The following DNAAF5 variants were observed in gnomAD, a reference collection of about 807,000 sequenced individuals.
DNAAF5 encodes dynein axonemal assembly factor 5.
A neutral mutation model predicts 75.8 loss-of-function variants in DNAAF5; 64 were observed. That is an observed-to-expected ratio of 0.84 (90% CI 0.69 to 1.04). DNAAF5 has a LOEUF of 1.04. Ranked by LOEUF, DNAAF5 falls within the 50% of genes least tolerant of loss-of-function variation. DNAAF5 has a pLI of 0.00. For missense variants in DNAAF5, 1,269 were observed against 1,178.5 expected, an observed-to-expected ratio of 1.08 and a Z score of -1.12; for synonymous variants, 657 against 557.2, an observed-to-expected ratio of 1.18 and a Z score of -2.52.
chr7:756,947 A>G lies in DNAAF5; in HGVS notation c.1423A>G (p.Ile475Val), dbSNP rs1373993360. 3.1e-6 allele frequency: 5 copies of G among 1,607,702 alleles called. No homozygotes were observed. The highest frequency in any genetic ancestry group is 1.7e-4 in the Middle Eastern group (1 of 6,050). The change falls in exon 6 of 13, where the codon ATC (isoleucine) becomes GTC (valine). Residue 475 changes from isoleucine (I) to valine (V), a missense_variant. Coordinates refer to ENST00000297440, the MANE Select transcript of DNAAF5 (RefSeq NM_017802.4). ...REALQPHLAA[I>V]ATELAQAHIC... ...AGCCCTCCAGCCGCACCTGGCAGCCATCGCCACAGAGCTGGCACAGGCCCA... is the reference window on the plus strand; with the variant it reads ...AGCCCTCCAGCCGCACCTGGCAGCCGTCGCCACAGAGCTGGCACAGGCCCA...
At chr7:755,273 G>A (rs1782447225) in intron 5 of DNAAF5, among the ~76,000 whole-genome samples, 1 of 152,170 alleles carries the variant, frequency 6.6e-6, no homozygotes, top group African/African-American at 2.4e-5. Flanking sequence ...TGGTGTCCCT[G>A]GTGCAGTCCT....
chr7:740,862 G>T lies in DNAAF5; in HGVS notation c.824G>T (p.Cys275Phe). ...TCCGTGGTGGGCGGCTGGCTGCTGT[G>T]TCTGCGTGACCGTTACTCCTTCTTC... is the stretch of plus-strand genomic sequence containing the variant. ...VASVVGGWLL[C>F]LRDRYSFFHK... The change falls in exon 3 of 13, where the codon TGT (cysteine) becomes TTT (phenylalanine). Residue 275 changes from cysteine to phenylalanine, a missense_variant. By Grantham distance (205) the Cys-to-Phe change is radical. Transcript: ENST00000297440. The T allele has an allele frequency of 6.2e-7, 1 of 1,614,078 alleles. No individual in the cohort carries two copies. The highest frequency in any genetic ancestry group is 8.5e-7 in the Non-Finnish European group (1 of 1,180,042).
chr7:782,675 CTGG>C (rs1779008007), intron 12 of DNAAF5, among the ~76,000 whole-genome samples: 1 of 123,996 alleles, frequency 8.1e-6, no homozygotes, highest in Non-Finnish European at 1.7e-5. Context: ...CTCGATCTTC[CTGG>C]CGTGGCCGCC....
chr7:771,660 CG>C (rs1778569065), intron 9 of DNAAF5: 1 of 152,244 alleles, frequency 6.6e-6, no homozygotes, highest in Admixed American at 6.5e-5. Flanking sequence ...AACCGAGAGC[CG>C]TGGCAGCTGT....
At chr7:757,225 G>C (rs1363396341) in intron 6 of DNAAF5, among the ~76,000 whole-genome samples, 1 of 152,234 alleles carries the variant, frequency 6.6e-6, no homozygotes, top group Non-Finnish European at 1.5e-5. Context: ...CCTCGTCCTG[G>C]GCTGTGCAGA....
At chr7:750,147 G>T (rs1271567037) in intron 4 of DNAAF5, among the ~76,000 whole-genome samples, 1 of 152,182 alleles carries the variant, frequency 6.6e-6, no homozygotes, top group African/African-American at 2.4e-5. Flanking sequence ...CTTTTTCTGT[G>T]TTTGGAAACA....
At chr7:763,510 C>A (rs575557798) in intron 7 of DNAAF5, among the ~76,000 whole-genome samples, 2 of 152,226 alleles carry the variant, frequency 1.3e-5, no homozygotes, top group East Asian at 3.9e-4. Flanking sequence ...ACACCACGTC[C>A]GTGTAAGCCC....
intron 8 of DNAAF5, chr7:768,818 T>G (rs911954911): frequency 1.8e-5 from 5 of 282,302 alleles, no homozygotes; most frequent in Non-Finnish European, 3.4e-5. Flanking sequence ...TTTGGCTGTT[T>G]TCTTTTTGTT....
chr7:782,647 G>A (rs557808430), intron 12 of DNAAF5, among the ~76,000 whole-genome samples: 3 of 106,024 alleles, frequency 2.8e-5, no homozygotes, highest in African/African-American at 1.2e-4. Flanking sequence ...GCCGCCTCCC[G>A]TCACGCAGCG....
chr7:775,018 C>T lies in DNAAF5; in HGVS notation c.2095C>T (p.Gln699Ter). ...TTGCTGATTGCAGATACGGGACGTG[C>T]AGGAAACACTGATGCCCCAGGTCCT... The part of the protein sequence containing the change: ...VLSAEQIRDV[Q>*]ETLMPQVLTT... Residue 699 changes from glutamine to a stop codon, truncating the protein, a stop_gained, in exon 11 of 13, where the codon CAG becomes TAG. Coordinates refer to ENST00000297440, the MANE Select transcript of DNAAF5 (RefSeq NM_017802.4). LOFTEE classifies it high-confidence loss of function. 6.2e-7 allele frequency: 1 copy of T among 1,613,820 alleles called. No individual in the cohort carries two copies. Among genetic ancestry groups the T allele is most frequent in the Non-Finnish European group, 8.5e-7 (1 of 1,179,914 alleles).
chr7:770,511 G>A lies in DNAAF5; in HGVS notation c.1824G>A (p.Thr608=), dbSNP rs550907142. The part of the protein sequence containing the change: ...LGEALPHVVP[T]LRACLQPSQD... ...AAGCCCTGCCACACGTCGTGCCCAC[G>A]CTGAGGGCCTGTCTGCAGCCCTCCC... Residue 608 remains threonine, a synonymous_variant, in exon 9 of 13, where the codon ACG becomes ACA. Coordinates refer to ENST00000297440, the MANE Select transcript of DNAAF5 (RefSeq NM_017802.4). 37 of 1,613,682 alleles carry A rather than the reference G, an allele frequency of 2.3e-5. No homozygotes were observed. Among genetic ancestry groups the A allele is most frequent in the South Asian group, 5.5e-5 (5 of 91,082 alleles).
At chr7:730,358 G>A (rs117787752) in intron 2 of DNAAF5, among the ~76,000 whole-genome samples, 4,408 of 152,276 alleles carry the variant, frequency 0.029, 99 homozygotes, top group Non-Finnish European at 0.046. Context: ...GCATGTCTTG[G>A]ATCTGAGGCC....
chr7:731,593 C>T (rs573962789), intron 2 of DNAAF5, among the ~76,000 whole-genome samples: 7 of 152,330 alleles, frequency 4.6e-5, no homozygotes, highest in Non-Finnish European at 7.3e-5. Context: ...ACCTGCGGCC[C>T]GTGGGCCACA....
At chr7:761,349 C>G (rs1782637329) in intron 6 of DNAAF5, among the ~76,000 whole-genome samples, 1 of 152,232 alleles carries the variant, frequency 6.6e-6, no homozygotes, top group South Asian at 2.1e-4. Flanking sequence ...GACACTGGGG[C>G]CGGAGCGGGA....
intron 8 of DNAAF5, among the ~76,000 whole-genome samples, chr7:765,725 C>T (rs556634721): frequency 8.6e-5 from 13 of 152,018 alleles, no homozygotes; most frequent in Non-Finnish European, 1.8e-4. Context: ...TTTTTTGAGA[C>T]GGTCTCACGC....
At chr7:784,053 G>A (rs1253653607) in intron 12 of DNAAF5, among the ~76,000 whole-genome samples, 1 of 126,032 alleles carries the variant, frequency 7.9e-6, no homozygotes, top group African/African-American at 3.0e-5. Context: ...CCGCACATCC[G>A]CCTGGCAGCA....
At chr7:739,009 C>A (rs1418186018) in intron 2 of DNAAF5, among the ~76,000 whole-genome samples, 1 of 152,192 alleles carries the variant, frequency 6.6e-6, no homozygotes, top group Non-Finnish European at 1.5e-5. Context: ...TGGCCCTGGA[C>A]GCCTGCCCAT....
At chr7:738,906 G>A (rs1781815476) in intron 2 of DNAAF5, among the ~76,000 whole-genome samples, 3 of 152,260 alleles carry the variant, frequency 2.0e-5, no homozygotes. Context: ...ACACAGTGCA[G>A]GAGGTCAGGG....
chr7:735,040 G>T (rs1781694044), intron 2 of DNAAF5, among the ~76,000 whole-genome samples: 1 of 151,246 alleles, frequency 6.6e-6, no homozygotes, highest in Admixed American at 6.6e-5. Flanking sequence ...GCTGCTCACG[G>T]TGTAGCTGCT....
Sources: allele counts gnomAD v4.1 joint callset (sites outside exome capture counted in the v4.1 genomes callset), GRCh38; gene constraint gnomAD v4.1.1; transcripts MANE v1.5; gene names NCBI Gene and HGNC (gene_info 2026-07-23, HGNC 2026-07-21).